Variants in TBC1D22A observed in about 807,000 individuals in gnomAD.
TBC1D22A encodes the protein TBC1 domain family member 22A.
Under a neutral mutation model 60.2 loss-of-function variants are expected in TBC1D22A, and 38 were observed. The observed-to-expected ratio is 0.63, with a 90% confidence interval of 0.49 to 0.83. The LOEUF (loss-of-function observed/expected upper bound fraction) is 0.83, where lower values mean the gene tolerates loss of function less well. Ranked by LOEUF, TBC1D22A falls within the 40% of genes least tolerant of loss-of-function variation. The pLI is 0.00. For missense variants in TBC1D22A, 628 were observed against 701.0 expected (o/e 0.90, Z 1.18); for synonymous variants, 302 against 281.7 (o/e 1.07, Z -0.72).
chr22:47,040,516 G>A (rs2062805355), intron 11 of TBC1D22A, among the ~76,000 whole-genome samples: 2 of 151,802 alleles, frequency 1.3e-5, no homozygotes, highest in South Asian at 2.1e-4. Context: ...GGGTCAGAGG[G>A]CATCGGTAAG....
chr22:47,131,020 C>T (rs1017229830), intron 12 of TBC1D22A, among the ~76,000 whole-genome samples: 22 of 152,300 alleles, frequency 1.4e-4, no homozygotes, highest in East Asian at 3.9e-4. Context: ...CGGCGTGTCA[C>T]GTGGCGAGAG....
intron 4 of TBC1D22A, among the ~76,000 whole-genome samples, chr22:46,859,013 CTTTTCGATAGAG>C: frequency 8.0e-6 from 1 of 124,916 alleles, no homozygotes; most frequent in East Asian, 2.3e-4. Flanking sequence ...GACCAGAATC[CTTTTCGATAGAG>C]GTCCGCGCAG....
At chr22:46,893,889 C>T (rs6009027) in intron 6 of TBC1D22A, among the ~76,000 whole-genome samples, 2,098 of 152,298 alleles carry the variant, frequency 0.014, 62 homozygotes, top group African/African-American at 0.048. Context: ...TTGATGTTCA[C>T]CAGTAACGTT....
chr22:47,044,288 C>G (rs2062958668), intron 11 of TBC1D22A, among the ~76,000 whole-genome samples: 1 of 152,234 alleles, frequency 6.6e-6, no homozygotes, highest in Non-Finnish European at 1.5e-5. Flanking sequence ...CACTCACTTC[C>G]TCCACCATCT....
chr22:47,009,469 G>A lies in TBC1D22A; in HGVS notation c.1201+11760G>A, dbSNP rs367802411. 6.9e-5 allele frequency among the ~76,000 whole-genome samples: 9 copies of A among 129,820 alleles called. No individual in the cohort carries two copies. The highest frequency in any genetic ancestry group is 4.8e-4 in the East Asian group (2 of 4,166). 85.2% of individuals were successfully genotyped at this position (129,820 alleles called of 152,430 possible). A position where few individuals can be genotyped will look rare whatever the true frequency, so the allele number is the denominator to read the frequency against. ...CACCATCATTTCTGTCATCACCATC[G>A]TCATCACTATCACCATCATTTCATC... On this transcript the variant is annotated intron_variant, in intron 10 of 12. Transcript: ENST00000337137. The surrounding 1 kb of genome is among the most constrained non-coding windows in gnomAD (Gnocchi z 5.8).
chr22:46,942,432 C>T (rs1385385932), intron 8 of TBC1D22A, among the ~76,000 whole-genome samples: 1 of 152,140 alleles, frequency 6.6e-6, no homozygotes, highest in African/African-American at 2.4e-5. Context: ...TTAGACATGG[C>T]TACTCTGGTC....
Position 47,100,434 on chromosome 22 carries a change from G to A in TBC1D22A, c.1330-11074G>A, listed in dbSNP as rs1466736109. 3.3e-5 allele frequency among the ~76,000 whole-genome samples: 5 copies of A among 152,162 alleles called. No homozygotes were observed. In the South Asian group the frequency reaches 1.0e-3, roughly 32 times the overall value. ...TGGAGAGCAGGGATGAAGCCCTGGG[G>A]CACAGGGGTGAGGCCTCGGGGGACG... On this transcript the variant is annotated intron_variant, in intron 11 of 12. Transcript: ENST00000337137.
intron 10 of TBC1D22A, among the ~76,000 whole-genome samples, chr22:47,007,756 A>G (rs1602965455): frequency 6.6e-6 from 1 of 152,172 alleles, no homozygotes; most frequent in Non-Finnish European, 1.5e-5. Flanking sequence ...GCCATCTCTT[A>G]TAGGGACACT....
At chr22:46,952,541 C>T (rs1277177141) in intron 8 of TBC1D22A, among the ~76,000 whole-genome samples, 1 of 152,152 alleles carries the variant, frequency 6.6e-6, no homozygotes, top group African/African-American at 2.4e-5. Context: ...GGGTGTTGGC[C>T]TGCAAGGTTA....
intron 12 of TBC1D22A, among the ~76,000 whole-genome samples, chr22:47,138,772 G>A (rs1030569218): frequency 6.6e-6 from 1 of 152,126 alleles, no homozygotes; most frequent in African/African-American, 2.4e-5. Context: ...CGGCAGACCC[G>A]GCATCTGGTG....
intron 5 of TBC1D22A, among the ~76,000 whole-genome samples, chr22:46,886,997 A>G (rs1005539659): frequency 2.0e-5 from 3 of 152,358 alleles, no homozygotes; most frequent in East Asian, 3.9e-4. Context: ...GAAAGGACCA[A>G]TCATAAACTG....
intron 12 of TBC1D22A, among the ~76,000 whole-genome samples, chr22:47,143,041 G>T (rs919349820): frequency 1.3e-5 from 2 of 151,916 alleles, no homozygotes. Context: ...GTGACTGCCT[G>T]GTGGAGACAT....
At chr22:46,782,457 G>A (rs2083980890) in intron 1 of TBC1D22A, among the ~76,000 whole-genome samples, 1 of 152,238 alleles carries the variant, frequency 6.6e-6, no homozygotes, top group Non-Finnish European at 1.5e-5. Flanking sequence ...GGGTCAGGGA[G>A]GGGGCCCTTC....
intron 4 of TBC1D22A, among the ~76,000 whole-genome samples, chr22:46,826,950 T>G (rs1279544590): frequency 6.6e-6 from 1 of 152,094 alleles, no homozygotes; most frequent in African/African-American, 2.4e-5. Flanking sequence ...TTTCCGTTTT[T>G]TTTTTTTTGA....
intron 8 of TBC1D22A, among the ~76,000 whole-genome samples, chr22:46,957,095 A>G (rs1237655697): frequency 2.6e-5 from 4 of 152,190 alleles, no homozygotes; most frequent in African/African-American, 9.7e-5. Context: ...CCTTTCTGTT[A>G]GAGAGGGACG....
At chr22:46,792,634 A>C in intron 2 of TBC1D22A, 58 bp downstream of exon 2, 1 of 1,613,616 alleles carries the variant, frequency 6.2e-7, no homozygotes, top group South Asian at 1.1e-5. Context: ...GGGCTGTGGC[A>C]ACCCCGGTCT....
intron 11 of TBC1D22A, among the ~76,000 whole-genome samples, chr22:47,104,191 A>G (rs2065532354): frequency 6.6e-6 from 1 of 152,152 alleles, no homozygotes; most frequent in Non-Finnish European, 1.5e-5. Flanking sequence ...CTGTAGTCCC[A>G]GCTACTTGGG....
In TBC1D22A at chr22:46,818,953, C is replaced by G. The variant is rs376121797; in HGVS notation, c.637+21333C>G. On this transcript the variant is annotated intron_variant, in intron 4 of 12. Transcript: ENST00000337137. ...CTCCTTGAAGAGGTCCTTCACATCC[C>G]TTGTTAGCTGTATTCCTTGGTATTT... 4.4e-4 allele frequency among the ~76,000 whole-genome samples: 67 copies of G among 152,228 alleles called. 1 individual carries two copies. The highest frequency in any genetic ancestry group is 1.6e-3 in the African/African-American group (66 of 41,522).
chr22:47,104,565 C>T (rs750129474), intron 11 of TBC1D22A, among the ~76,000 whole-genome samples: 16 of 151,432 alleles, frequency 1.1e-4, no homozygotes, highest in Non-Finnish European at 1.9e-4. Flanking sequence ...CATGATGGCA[C>T]ATGCCTGTAA....
Sources: gnomAD v4.1 joint callset for allele counts (sites outside exome capture counted in the v4.1 genomes callset) on GRCh38, gnomAD v4.1.1 for gene constraint, Gnocchi (gnomAD v3.1) non-coding constraint, MANE v1.5 for transcripts, NCBI Gene and HGNC (gene_info 2026-07-23, HGNC 2026-07-21) for gene names.